The following RBFOX1 variants were observed in gnomAD, a reference collection of about 807,000 sequenced individuals.
The protein encoded by RBFOX1 is RNA binding fox-1 homolog 1.
In RBFOX1, 8 loss-of-function variants were observed where a neutral mutation model predicts 57.7. The observed-to-expected ratio is 0.14, with a 90% CI of 0.08 to 0.25. The LOEUF (loss-of-function observed/expected upper bound fraction) is 0.25, where lower values mean the gene tolerates loss of function less well. RBFOX1 is among the 10% of genes least tolerant of loss of function. RBFOX1 has a pLI of 1.00. For missense variants in RBFOX1, 611 were observed against 548.5 expected (o/e 1.11, Z -1.14); for synonymous variants, 326 against 222.4 (o/e 1.47, Z -4.15).
chr16:5,430,395 C>A (rs953298227), intron 1 of RBFOX1, among the ~76,000 whole-genome samples: 2 of 152,086 alleles, frequency 1.3e-5, no homozygotes, highest in African/African-American at 4.8e-5. Context: ...ATTTGAGAAA[C>A]AGTGGGAGGG....
intron 1 of RBFOX1, among the ~76,000 whole-genome samples, chr16:6,026,724 G>A (rs955488298): frequency 7.2e-5 from 11 of 152,238 alleles, no homozygotes; most frequent in Non-Finnish European, 1.5e-4. Flanking sequence ...GTGCAATCTG[G>A]CTCTTGTTTT....
At chr16:7,033,249 G>A (rs946451233) in intron 3 of RBFOX1, among the ~76,000 whole-genome samples, 2 of 152,238 alleles carry the variant, frequency 1.3e-5, no homozygotes, top group African/African-American at 4.8e-5. Flanking sequence ...GACGGGCACA[G>A]TGGGTCACGC....
intron 4 of RBFOX1, among the ~76,000 whole-genome samples, chr16:5,952,982 A>C (rs1475443215): frequency 6.6e-6 from 1 of 152,160 alleles, no homozygotes; most frequent in Non-Finnish European, 1.5e-5. Flanking sequence ...TAATATTATC[A>C]CTAGGAAACT....
At chr16:5,507,590 C>G (rs1166326255) in intron 2 of RBFOX1, among the ~76,000 whole-genome samples, 1 of 152,198 alleles carries the variant, frequency 6.6e-6, no homozygotes, top group African/African-American at 2.4e-5. Context: ...AGTCCTAACC[C>G]TTCATGCCTG....
intron 4 of RBFOX1, among the ~76,000 whole-genome samples, chr16:7,223,470 C>T (rs747943899): frequency 9.2e-5 from 14 of 152,020 alleles, no homozygotes; most frequent in East Asian, 1.9e-4. Flanking sequence ...ATTGGTAATG[C>T]GAATGATAGA....
chr16:6,009,758 C>G (rs1168666133), intron 4 of RBFOX1, among the ~76,000 whole-genome samples: 1 of 150,652 alleles, frequency 6.6e-6, no homozygotes, highest in Non-Finnish European at 1.5e-5. Context: ...ACTGATATTC[C>G]TTATCAGGCA....
chr16:6,885,730 C>T (rs1466365871), intron 3 of RBFOX1, among the ~76,000 whole-genome samples: 1 of 152,018 alleles, frequency 6.6e-6, no homozygotes, highest in African/African-American at 2.4e-5. Flanking sequence ...CTGGGTTTCA[C>T]CAGGTTGGAC....
At chr16:6,342,977 T>A (rs1041575076) in intron 2 of RBFOX1, among the ~76,000 whole-genome samples, 1 of 152,178 alleles carries the variant, frequency 6.6e-6, no homozygotes, top group Admixed American at 6.5e-5. Context: ...GAAGTTTGTC[T>A]CCTCCCTTTA....
At chr16:5,990,392 T>G (rs893834791) in intron 4 of RBFOX1, among the ~76,000 whole-genome samples, 3 of 152,226 alleles carry the variant, frequency 2.0e-5, no homozygotes, top group African/African-American at 7.2e-5. Flanking sequence ...GGCTGAGCAC[T>G]GGACAAAGCA....
chr16:5,791,185 C>T (rs2054682794), intron 3 of RBFOX1, among the ~76,000 whole-genome samples: 1 of 152,044 alleles, frequency 6.6e-6, no homozygotes, highest in South Asian at 2.1e-4. Context: ...TTTAATTTGT[C>T]ACGCATGACT....
chr16:7,589,202 G>A (rs2094303910), intron 7 of RBFOX1, among the ~76,000 whole-genome samples: 5 of 152,170 alleles, frequency 3.3e-5, no homozygotes, highest in Admixed American at 2.6e-4. Flanking sequence ...CTGACCCTAG[G>A]TCTGTCTATA....
At chr16:6,913,592 C>A (rs59016127) in intron 3 of RBFOX1, among the ~76,000 whole-genome samples, 35,430 of 152,020 alleles carry the variant, frequency 0.23, 4,156 homozygotes, top group Middle Eastern at 0.28. Flanking sequence ...TCGGTAGCAT[C>A]CCCAAGCTTT....
chr16:6,606,020 G>T (rs56379686), intron 2 of RBFOX1, among the ~76,000 whole-genome samples: 1 of 151,904 alleles, frequency 6.6e-6, no homozygotes, highest in Non-Finnish European at 1.5e-5. Flanking sequence ...GAGGCAGGAG[G>T]ATCACTTGAA....
At chr16:7,275,205 A>G (rs1002999) in intron 4 of RBFOX1, among the ~76,000 whole-genome samples, 2,990 of 152,258 alleles carry the variant, frequency 0.02, 99 homozygotes, top group African/African-American at 0.068. Context: ...GACAATCGAC[A>G]TCACATGCTA....
intron 3 of RBFOX1, among the ~76,000 whole-genome samples, chr16:5,729,635 A>G (rs1292582968): frequency 6.6e-6 from 1 of 152,038 alleles, no homozygotes; most frequent in African/African-American, 2.4e-5. Context: ...TATCTCTTCC[A>G]CTAAAGGTCT....
At chr16:7,195,728 T>C (rs1293005120) in intron 4 of RBFOX1, among the ~76,000 whole-genome samples, 1 of 152,048 alleles carries the variant, frequency 6.6e-6, no homozygotes, top group Non-Finnish European at 1.5e-5. Flanking sequence ...AATTTTTGTA[T>C]TTTTAGTAGA....
At chr16:5,593,378 A>G (rs572705670) in intron 2 of RBFOX1, among the ~76,000 whole-genome samples, 1 of 152,278 alleles carries the variant, frequency 6.6e-6, no homozygotes, top group Non-Finnish European at 1.5e-5. Context: ...CATTAGGAGA[A>G]ATACCTAATG....
At chr16:6,074,360 C>G (rs558615426) in intron 1 of RBFOX1, among the ~76,000 whole-genome samples, 1 of 152,148 alleles carries the variant, frequency 6.6e-6, no homozygotes, top group Non-Finnish European at 1.5e-5. Flanking sequence ...ACATTTCACC[C>G]CCTTATAGCT....
intron 4 of RBFOX1, among the ~76,000 whole-genome samples, chr16:7,064,092 G>T (rs1228089548): frequency 1.3e-5 from 2 of 151,400 alleles, no homozygotes; most frequent in African/African-American, 4.9e-5. Context: ...TGAAGCTAAG[G>T]TCTTTAAAAA....
Sources: allele counts gnomAD v4.1 joint callset (sites outside exome capture counted in the v4.1 genomes callset), GRCh38; gene constraint gnomAD v4.1.1; transcripts MANE v1.5; gene names NCBI Gene and HGNC (gene_info 2026-07-23, HGNC 2026-07-21).